PSD3: variants seen among roughly 807,000 people sequenced by gnomAD.
The protein encoded by PSD3 is PH and SEC7 domain-containing protein 3.
In PSD3, 49 loss-of-function variants were observed where a neutral mutation model predicts 105.5. That is an observed-to-expected ratio of 0.46 (90% CI 0.37 to 0.59). The LOEUF is 0.59. Ranked by LOEUF, PSD3 falls within the 20% of genes least tolerant of loss-of-function variation. The pLI, the probability that PSD3 is intolerant of heterozygous loss-of-function variation, is 0.00. For missense variants in PSD3, 1,561 were observed against 1,263.8 expected (o/e 1.24, Z -3.57); for synonymous variants, 557 against 457.8 (o/e 1.22, Z -2.77).
intron 4 of PSD3, among the ~76,000 whole-genome samples, chr8:18,833,707 G>A (rs1322584489): frequency 6.6e-6 from 1 of 152,060 alleles, no homozygotes; most frequent in South Asian, 2.1e-4. Context: ...ATACAACAGT[G>A]TAAGACATGT....
intron 2 of PSD3, among the ~76,000 whole-genome samples, chr8:18,881,376 A>G (rs1047059338): frequency 6.6e-6 from 1 of 152,222 alleles, no homozygotes; most frequent in Non-Finnish European, 1.5e-5. Context: ...AGCCTGTTCC[A>G]TAAGATCGGC....
intron 12 of PSD3, among the ~76,000 whole-genome samples, chr8:18,595,660 A>C (rs901382561): frequency 2.6e-5 from 4 of 152,042 alleles, no homozygotes; most frequent in African/African-American, 9.7e-5. Flanking sequence ...TAAGTAAAAA[A>C]CTGTCAAGAG....
intron 9 of PSD3, among the ~76,000 whole-genome samples, chr8:18,741,156 G>T (rs1337458425): frequency 1.3e-5 from 2 of 152,212 alleles, no homozygotes; most frequent in Non-Finnish European, 2.9e-5. Context: ...GTGGTGGGGA[G>T]AAAGGAAGGA....
intron 4 of PSD3, among the ~76,000 whole-genome samples, chr8:18,808,308 A>G (rs1036904887): frequency 1.3e-5 from 2 of 152,232 alleles, no homozygotes; most frequent in African/African-American, 4.8e-5. Context: ...TTTCCCAGGG[A>G]AAATTCATGG....
intron 4 of PSD3, among the ~76,000 whole-genome samples, chr8:18,820,001 A>G (rs1304586898): frequency 6.6e-6 from 1 of 152,200 alleles, no homozygotes; most frequent in East Asian, 1.9e-4. Context: ...TGATGTTTAC[A>G]GTGTCTTCAA....
At chr8:18,895,659 T>C (rs1819099736) in intron 2 of PSD3, among the ~76,000 whole-genome samples, 1 of 152,214 alleles carries the variant, frequency 6.6e-6, no homozygotes, top group Non-Finnish European at 1.5e-5. Context: ...TGGGGGTTTT[T>C]ATTATTACTC....
chr8:18,619,722 A>G (rs893599910), intron 11 of PSD3, among the ~76,000 whole-genome samples: 1 of 152,100 alleles, frequency 6.6e-6, no homozygotes, highest in African/African-American at 2.4e-5. Flanking sequence ...AAATTTCACT[A>G]AATGGATTTT....
At chr8:18,590,344 T>C (rs919118753) in intron 12 of PSD3, among the ~76,000 whole-genome samples, 3 of 152,124 alleles carry the variant, frequency 2.0e-5, no homozygotes, top group African/African-American at 2.4e-5. Flanking sequence ...GGAGGCCTCT[T>C]TGCCAGAGAA....
At chr8:18,960,395 T>A (rs1169250760) in intron 1 of PSD3, among the ~76,000 whole-genome samples, 2 of 152,038 alleles carry the variant, frequency 1.3e-5, no homozygotes, top group Non-Finnish European at 2.9e-5. Context: ...GAAATGGCAA[T>A]AAAGAAAACT....
rs200065254 is a variant in PSD3, at chr8:18,604,120, TC to T, written c.2411-3687del. Among the ~76,000 whole-genome samples, 54 of 150,498 alleles carry T rather than the reference TC, an allele frequency of 3.6e-4. No individual in the cohort carries two copies. The East Asian group carries it at 9.9e-3, about 27-fold the overall frequency. On this transcript the variant is annotated intron_variant, in intron 11 of 15. Transcript: ENST00000327040. ...CAGAGGTTGGAAGAGGGTGGAGGGC[TC>T]AGAATAATACAGGAAGATGACTGAA...
At chr8:18,573,977 C>G (rs1255907743) in intron 13 of PSD3, among the ~76,000 whole-genome samples, 1 of 151,968 alleles carries the variant, frequency 6.6e-6, no homozygotes, top group East Asian at 1.9e-4. Context: ...TTTAGAAAAC[C>G]CACCTGAGAG....
intron 14 of PSD3, among the ~76,000 whole-genome samples, chr8:18,568,505 C>T (rs1801935129): frequency 6.6e-6 from 1 of 152,082 alleles, no homozygotes. Flanking sequence ...ACACCACAGT[C>T]CCCAGCTGTC....
chr8:18,660,566 C>G (rs930734729), intron 9 of PSD3, among the ~76,000 whole-genome samples: 3 of 152,182 alleles, frequency 2.0e-5, no homozygotes, highest in African/African-American at 7.2e-5. Context: ...CAGTCTTTCC[C>G]CACAGTGGTC....
chr8:18,667,480 G>C (rs553834430), intron 9 of PSD3, among the ~76,000 whole-genome samples: 6 of 152,322 alleles, frequency 3.9e-5, no homozygotes, highest in Admixed American at 3.3e-4. Context: ...CACCAGATTA[G>C]CTAGATACAG....
At chr8:19,047,425 C>T (rs1457474955) in intron 1 of PSD3, among the ~76,000 whole-genome samples, 2 of 152,128 alleles carry the variant, frequency 1.3e-5, no homozygotes, top group African/African-American at 2.4e-5. Flanking sequence ...AAAATTCCAC[C>T]ATTAAGGATT....
At chr8:19,036,996 G>T (rs1359532028) in intron 1 of PSD3, among the ~76,000 whole-genome samples, 1 of 152,158 alleles carries the variant, frequency 6.6e-6, no homozygotes, top group Non-Finnish European at 1.5e-5. Context: ...AGCATCCCCT[G>T]TGTCCTAGCC....
chr8:18,551,819 C>G (rs1307158704), intron 15 of PSD3, among the ~76,000 whole-genome samples: 1 of 152,056 alleles, frequency 6.6e-6, no homozygotes, highest in Non-Finnish European at 1.5e-5. Flanking sequence ...ATCTTCCTTC[C>G]AAGCATGAAG....
chr8:18,611,307 A>C (rs1189082027), intron 11 of PSD3, among the ~76,000 whole-genome samples: 1 of 152,042 alleles, frequency 6.6e-6, no homozygotes, highest in African/African-American at 2.4e-5. Context: ...ACAGTATGTT[A>C]GCAGGAAGAC....
intron 4 of PSD3, 67 bp downstream of exon 4, chr8:18,867,607 C>T: frequency 6.6e-7 from 1 of 1,509,240 alleles, no homozygotes; most frequent in Non-Finnish European, 8.9e-7. Context: ...ATTCCACACT[C>T]AGATTTCCCA....
Sources: gnomAD v4.1 joint callset for allele counts (sites outside exome capture counted in the v4.1 genomes callset) on GRCh38, gnomAD v4.1.1 for gene constraint, MANE v1.5 for transcripts, NCBI Gene and HGNC (gene_info 2026-07-23, HGNC 2026-07-21) for gene names.